The following PTN variants were observed in gnomAD, a reference collection of about 807,000 sequenced individuals.
The protein encoded by PTN is heparin affin regulatory protein.
In PTN, 18 loss-of-function variants were observed where a neutral mutation model predicts 24.1. The observed-to-expected ratio is 0.75, with a 90% CI of 0.52 to 1.11. The LOEUF is 1.11. PTN is among the 50% of genes least tolerant of loss of function. The probability of loss-of-function intolerance (pLI) is 0.00; values close to 1 mark genes in which losing one functional copy is unlikely to be tolerated. For missense variants in PTN, 163 were observed against 198.8 expected (o/e 0.82, Z 1.08); for synonymous variants, 78 against 68.6 (o/e 1.14, Z -0.67).
Position 137,305,816 on chromosome 7 carries a change from G to C in PTN, c.-2+37623C>G, listed in dbSNP as rs1286562924. Among the ~76,000 whole-genome samples, 5 of 152,190 alleles carry C rather than the reference G, an allele frequency of 3.3e-5. No individual in the cohort carries two copies. In the East Asian group the frequency reaches 9.7e-4, roughly 30 times the overall value. On this transcript the variant is annotated intron_variant, in intron 1 of 4. Transcript: ENST00000348225. ...ACAGAGTTACCACGACCTGGAGCAGGGAACTTGAGCATCTTCAAAAATTAC... is the reference window on the plus strand; with the variant it reads ...ACAGAGTTACCACGACCTGGAGCAGCGAACTTGAGCATCTTCAAAAATTAC...
intron 1 of PTN, among the ~76,000 whole-genome samples, chr7:137,276,678 T>C (rs1809364693): frequency 6.6e-6 from 1 of 152,220 alleles, no homozygotes; most frequent in African/African-American, 2.4e-5. Flanking sequence ...GTGTTTTGTT[T>C]CACCAGACTC....
rs138820369 is a variant in PTN, at chr7:137,236,976, G to A, written c.452-8901C>T. On this transcript the variant is annotated intron_variant, in intron 4 of 4. Coordinates refer to ENST00000348225, the MANE Select transcript of PTN (RefSeq NM_002825.7). ...TTTTAGTAGGTACAGTCCCATAAAT[G>A]TTTTTCCTATTCATTACCAAATAAA... Among the ~76,000 whole-genome samples the A allele has an allele frequency of 4.2e-3, 639 of 152,130 alleles. 2 individuals are homozygous for A. Among genetic ancestry groups the A allele is most frequent in the African/African-American group, 0.014 (595 of 41,510 alleles).
At chr7:137,273,292 C>T (rs935206792) in intron 1 of PTN, among the ~76,000 whole-genome samples, 1 of 152,228 alleles carries the variant, frequency 6.6e-6, no homozygotes. Flanking sequence ...ACTTACACAT[C>T]TCTGTTCCCT....
intron 1 of PTN, among the ~76,000 whole-genome samples, chr7:137,292,948 T>C (rs1436120651): frequency 6.6e-6 from 1 of 152,156 alleles, no homozygotes; most frequent in Non-Finnish European, 1.5e-5. Context: ...TTTAGAAACT[T>C]GAAAAAGAAA....
chr7:137,319,756 C>A (rs980664529), intron 1 of PTN, among the ~76,000 whole-genome samples: 1 of 152,162 alleles, frequency 6.6e-6, no homozygotes, highest in Non-Finnish European at 1.5e-5. Flanking sequence ...ATACTTTTGC[C>A]GGAATGGGCT....
Position 137,282,117 on chromosome 7 carries a change from C to T in PTN, c.-1-27143G>A, listed in dbSNP as rs185324672. Among the ~76,000 whole-genome samples the T allele has an allele frequency of 5.8e-3, 881 of 152,270 alleles. 11 individuals carry two copies. Among genetic ancestry groups the T allele is most frequent in the South Asian group, 0.042 (201 of 4,822 alleles). ...TACTCTGCATTTGGCTTTAAATGTT[C>T]TAGAAGCTCATGTGAATAGAAAATA... On this transcript the variant is annotated intron_variant, in intron 1 of 4. Coordinates refer to ENST00000348225, the MANE Select transcript of PTN (RefSeq NM_002825.7).
At chr7:137,240,815 A>G (rs1477968746) in intron 4 of PTN, among the ~76,000 whole-genome samples, 1 of 152,208 alleles carries the variant, frequency 6.6e-6, no homozygotes, top group African/African-American at 2.4e-5. Flanking sequence ...GGAATGACAC[A>G]GAAGAAGGAG....
At chr7:137,261,174 T>G (rs1409770198) in intron 1 of PTN, among the ~76,000 whole-genome samples, 1 of 152,180 alleles carries the variant, frequency 6.6e-6, no homozygotes, top group Non-Finnish European at 1.5e-5. Context: ...GAAGCTCTAA[T>G]TGTCCCATCT....
chr7:137,230,727 C>T (rs1265502223), intron 4 of PTN, among the ~76,000 whole-genome samples: 1 of 151,804 alleles, frequency 6.6e-6, no homozygotes, highest in Admixed American at 6.6e-5. Context: ...ACCTCTCAAT[C>T]TTTACCTAGT....
intron 1 of PTN, among the ~76,000 whole-genome samples, chr7:137,341,792 A>C (rs1039746536): frequency 6.6e-6 from 1 of 152,188 alleles, no homozygotes; most frequent in Non-Finnish European, 1.5e-5. Context: ...ATTTATTTAA[A>C]GTACAATTAG....
intron 1 of PTN, among the ~76,000 whole-genome samples, chr7:137,296,912 T>C (rs1314406571): frequency 6.6e-6 from 1 of 152,044 alleles, no homozygotes; most frequent in Non-Finnish European, 1.5e-5. Context: ...ATGCTTGTAG[T>C]TGTCTGGGAA....
rs1408674709 is a variant in PTN at position 137,337,315 on chromosome 7, G to A, written c.-2+6124C>T. ...AAAGAGATGGCATTATATTACAGAG[G>A]AATAAACTCAAACTAGGAATTTTAA... On this transcript the variant is annotated intron_variant, in intron 1 of 4. Coordinates refer to ENST00000348225, the MANE Select transcript of PTN (RefSeq NM_002825.7). Among the ~76,000 whole-genome samples, 44 of 152,066 alleles carry A rather than the reference G, an allele frequency of 2.9e-4. 1 individual carries two copies.
chr7:137,229,059 A>G (rs1808384508), intron 4 of PTN, among the ~76,000 whole-genome samples: 1 of 151,850 alleles, frequency 6.6e-6, no homozygotes, highest in African/African-American at 2.4e-5. Context: ...TAGATTACTC[A>G]TCTTTAAATA....
chr7:137,272,243 C>T (rs322240), intron 1 of PTN, among the ~76,000 whole-genome samples: 1 of 152,032 alleles, frequency 6.6e-6, no homozygotes, highest in Non-Finnish European at 1.5e-5. Context: ...CTTGGAGGCA[C>T]CTTTCAGTCT....
chr7:137,302,915 T>G (rs992433890), intron 1 of PTN, among the ~76,000 whole-genome samples: 1 of 151,900 alleles, frequency 6.6e-6, no homozygotes, highest in African/African-American at 2.4e-5. Flanking sequence ...TTTAGTTCCT[T>G]CATCAAACAA....
chr7:137,322,484 T>C (rs181167420), intron 1 of PTN, among the ~76,000 whole-genome samples: 10 of 152,340 alleles, frequency 6.6e-5, no homozygotes, highest in Non-Finnish European at 1.3e-4. Flanking sequence ...AAAACTGACC[T>C]TGTTTTAAGA....
intron 4 of PTN, among the ~76,000 whole-genome samples, chr7:137,231,263 C>T (rs1808422148): frequency 6.6e-6 from 1 of 151,956 alleles, no homozygotes; most frequent in African/African-American, 2.4e-5. Flanking sequence ...TCTCACCCAT[C>T]TTCCTTATGA....
At chr7:137,266,543 T>G (rs954073047) in intron 1 of PTN, among the ~76,000 whole-genome samples, 1 of 152,066 alleles carries the variant, frequency 6.6e-6, no homozygotes, top group African/African-American at 2.4e-5. Context: ...ACAAACATTT[T>G]TTTTTAAAAA....
chr7:137,329,714 G>A (rs540157843), intron 1 of PTN, among the ~76,000 whole-genome samples: 6 of 152,280 alleles, frequency 3.9e-5, no homozygotes, highest in African/African-American at 1.4e-4. Flanking sequence ...GTAGTAAAAT[G>A]TTACTCCAAT....
Sources: allele counts gnomAD v4.1 joint callset (sites outside exome capture counted in the v4.1 genomes callset), GRCh38; gene constraint gnomAD v4.1.1; transcripts MANE v1.5; gene names NCBI Gene and HGNC (gene_info 2026-07-23, HGNC 2026-07-21).